The following HPSE2 variants were observed in gnomAD, a reference collection of about 807,000 sequenced individuals.
HPSE2 encodes the protein heparanase 2 (inactive).
A neutral mutation model predicts 60.5 loss-of-function variants in HPSE2; 38 were observed. The observed-to-expected ratio is 0.63, with a 90% CI of 0.48 to 0.82. The LOEUF (loss-of-function observed/expected upper bound fraction) is 0.82, where lower values mean the gene tolerates loss of function less well. Among genes scored for constraint, HPSE2 ranks in the 40% least tolerant of loss-of-function variants. The pLI, the probability that HPSE2 is intolerant of heterozygous loss-of-function variation, is 0.00. For missense variants in HPSE2, 713 were observed against 740.4 expected (o/e 0.96, Z 0.43); for synonymous variants, 295 against 293.2 (o/e 1.01, Z -0.06).
At chr10:99,238,313 G>A (rs1046106267), upstream of HPSE2, among the ~76,000 whole-genome samples, 1 of 152,152 alleles carries the variant, frequency 6.6e-6, no homozygotes, top group African/African-American at 2.4e-5. Flanking sequence ...GACCAAGAAT[G>A]AACTTGAGTA....
chr10:99,042,557 C>T (rs1160112202), intron 3 of HPSE2, among the ~76,000 whole-genome samples: 3 of 151,996 alleles, frequency 2.0e-5, no homozygotes, highest in Non-Finnish European at 2.9e-5. Context: ...GATCTATGAC[C>T]AGCACTGGAG....
chr10:99,009,047 C>A (rs1455000112), intron 3 of HPSE2, among the ~76,000 whole-genome samples: 2 of 151,996 alleles, frequency 1.3e-5, no homozygotes, highest in Non-Finnish European at 2.9e-5. Context: ...TGAAAATCTG[C>A]ATTTTTGGTT....
chr10:98,684,423 G>A (rs547847623), intron 6 of HPSE2, among the ~76,000 whole-genome samples: 1 of 151,486 alleles, frequency 6.6e-6, no homozygotes. Context: ...AATAAAAATA[G>A]AGATAGTTAA....
At chr10:99,299,368 A>G in the HPSE2 span, among the ~76,000 whole-genome samples, 1 of 152,198 alleles carries the variant, frequency 6.6e-6, no homozygotes, top group African/African-American at 2.4e-5. Flanking sequence ...AAACAATCAG[A>G]GAATATGTGC....
At chr10:99,167,482 A>T (rs945885760) in intron 2 of HPSE2, among the ~76,000 whole-genome samples, 3 of 152,228 alleles carry the variant, frequency 2.0e-5, no homozygotes, top group Non-Finnish European at 4.4e-5. Context: ...TTTTCACATA[A>T]GAACTTCCAA....
At chr10:98,670,283 G>A (rs758610752) in intron 6 of HPSE2, among the ~76,000 whole-genome samples, 15 of 152,140 alleles carry the variant, frequency 9.9e-5, no homozygotes, top group Non-Finnish European at 1.3e-4. Context: ...CAACATAGTT[G>A]CTTATTGGAA....
At chr10:98,945,053 T>C (rs1012887763) in intron 3 of HPSE2, among the ~76,000 whole-genome samples, 1 of 152,138 alleles carries the variant, frequency 6.6e-6, no homozygotes, top group African/African-American at 2.4e-5. Context: ...AGGTGCAAAT[T>C]CATCATTTTA....
chr10:99,184,819 T>C (rs12250964), intron 2 of HPSE2, among the ~76,000 whole-genome samples: 3 of 19,868 alleles, frequency 1.5e-4, no homozygotes, highest in Admixed American at 6.9e-4. Flanking sequence ...TATATATATA[T>C]AGAGAGAGAG....
At chr10:99,017,430 T>C (rs890984552) in intron 3 of HPSE2, among the ~76,000 whole-genome samples, 3 of 152,162 alleles carry the variant, frequency 2.0e-5, no homozygotes, top group Admixed American at 6.5e-5. Flanking sequence ...GGTTTGCCAG[T>C]ATTTTGTTGA....
At chr10:98,482,860 G>C in intron 10 of HPSE2, 78 bp from the exon 11 acceptor site, 1 of 1,484,828 alleles carries the variant, frequency 6.7e-7, no homozygotes, top group Non-Finnish European at 9.4e-7. Flanking sequence ...TTTATAGACT[G>C]TACAAAATAT....
intron 7 of HPSE2, among the ~76,000 whole-genome samples, chr10:98,622,437 A>G (rs1034427781): frequency 5.3e-5 from 8 of 152,226 alleles, no homozygotes; most frequent in African/African-American, 1.7e-4. Context: ...GTATTACGTT[A>G]ATTTAATTCT....
At chr10:98,526,223 G>T (rs183631956) in intron 9 of HPSE2, among the ~76,000 whole-genome samples, 15 of 152,300 alleles carry the variant, frequency 9.8e-5, no homozygotes, top group Admixed American at 8.5e-4. Context: ...AGCCCTCTGG[G>T]TATAATGGTT....
the HPSE2 span, among the ~76,000 whole-genome samples, chr10:99,243,499 T>C: frequency 1.3e-5 from 2 of 152,232 alleles, no homozygotes; most frequent in African/African-American, 4.8e-5. Flanking sequence ...AAAAATCAGA[T>C]TGCCTTTCAC....
Position 98,671,477 on chromosome 10 carries a change from C to T in HPSE2, c.1004+22423G>A, listed in dbSNP as rs72840542. On this transcript the variant is annotated intron_variant, in intron 6 of 11. Coordinates refer to ENST00000370552, the MANE Select transcript of HPSE2 (RefSeq NM_021828.5). ...CCACCACACTATAAAGGAGGATAATCTAACAGACCTTGTCTAATACTTCTC... is the reference window on the plus strand; with the variant it reads ...CCACCACACTATAAAGGAGGATAATTTAACAGACCTTGTCTAATACTTCTC... 6.7e-3 allele frequency among the ~76,000 whole-genome samples: 1,017 copies of T among 152,314 alleles called. 8 individuals carry two copies. Among genetic ancestry groups the T allele is most frequent in the South Asian group, 0.027 (130 of 4,824 alleles).
intron 3 of HPSE2, among the ~76,000 whole-genome samples, chr10:99,072,769 C>A (rs1342648957): frequency 6.6e-6 from 1 of 151,626 alleles, no homozygotes; most frequent in African/African-American, 2.4e-5. Flanking sequence ...ACTAAAAATA[C>A]AAAATAAAAA....
intron 6 of HPSE2, among the ~76,000 whole-genome samples, chr10:98,693,178 T>C (rs1358068517): frequency 6.6e-6 from 1 of 152,214 alleles, no homozygotes; most frequent in African/African-American, 2.4e-5. Flanking sequence ...ATTTGGAAGA[T>C]ATTGTGAAAT....
At chr10:99,104,989 C>T (rs1844180027) in intron 3 of HPSE2, among the ~76,000 whole-genome samples, 1 of 150,518 alleles carries the variant, frequency 6.6e-6, no homozygotes, top group Non-Finnish European at 1.5e-5. Flanking sequence ...TGCAGCACAC[C>T]AACATGGCAC....
chr10:99,063,249 G>C (rs1197146673), intron 3 of HPSE2, among the ~76,000 whole-genome samples: 1 of 151,726 alleles, frequency 6.6e-6, no homozygotes, highest in Non-Finnish European at 1.5e-5. Flanking sequence ...AAATATTTAT[G>C]ACAAGTATTT....
At chr10:98,838,042 T>C (rs1951831566) in intron 3 of HPSE2, among the ~76,000 whole-genome samples, 1 of 152,196 alleles carries the variant, frequency 6.6e-6, no homozygotes, top group Non-Finnish European at 1.5e-5. Context: ...TAGAAAAGTA[T>C]ATGACATATT....
Sources: gnomAD v4.1 joint callset for allele counts (sites outside exome capture counted in the v4.1 genomes callset) on GRCh38, gnomAD v4.1.1 for gene constraint, MANE v1.5 for transcripts, NCBI Gene and HGNC (gene_info 2026-07-23, HGNC 2026-07-21) for gene names.